Variants in OR5K1 observed in about 807,000 individuals in gnomAD.
OR5K1 encodes the protein olfactory receptor 5K1.
Under a neutral mutation model 10.4 loss-of-function variants are expected in OR5K1, and 7 were observed. The ratio of observed to expected loss-of-function variants is 0.67; its 90% CI spans 0.38 to 1.26. OR5K1 has a LOEUF of 1.26. Among genes scored for constraint, OR5K1 ranks in the 50% most tolerant of loss-of-function variants. The pLI is 0.02. For missense variants in OR5K1, 435 were observed against 366.2 expected, an observed-to-expected ratio of 1.19 and a Z score of -1.53; for synonymous variants, 135 against 128.5, an observed-to-expected ratio of 1.05 and a Z score of -0.34.
Position 98,470,716 on chromosome 3 carries a change from G to T in OR5K1, c.*213G>T, listed in dbSNP as rs1705437589. Reference sequence around the variant, plus strand: ...AATCTTAATTCAAAATAACAAAAATGAAATTCTAATTTTGAACTCATTCAA... The same window carrying T: ...AATCTTAATTCAAAATAACAAAAATTAAATTCTAATTTTGAACTCATTCAA... On this transcript the variant is annotated 3_prime_UTR_variant, in exon 2 of 2. Coordinates refer to ENST00000642057, the MANE Select transcript of OR5K1 (RefSeq NM_001004736.4). 1 of 328,850 alleles carries T rather than the reference G, an allele frequency of 3.0e-6. No homozygotes were observed. Among genetic ancestry groups the T allele is most frequent in the African/African-American group, 2.2e-5 (1 of 46,150 alleles). 20.4% of individuals were successfully genotyped at this position (328,850 alleles called of 1,614,324 possible).
At chr3:98,463,513 G>T (rs1705336272) in intron 1 of OR5K1, among the ~76,000 whole-genome samples, 1 of 152,060 alleles carries the variant, frequency 6.6e-6, no homozygotes, top group Non-Finnish European at 1.5e-5. Context: ...TTCAACAGAA[G>T]TCTAAATTTA....
In OR5K1 at chr3:98,470,384, A is replaced by G. The variant is rs1180000183; in HGVS notation, c.808A>G (p.Lys270Glu). ...VRPNLLEEGD[K>E]DIPAAILFTI... is the part of the protein sequence containing the mutation. ...ACCAAATTTGCTTGAAGAAGGGGAT[A>G]AAGATATACCAGCTGCAATTTTATT... Residue 270 changes from lysine to glutamate, a missense_variant, in exon 2 of 2, where the codon AAA becomes GAA. Coordinates refer to ENST00000642057, the MANE Select transcript of OR5K1 (RefSeq NM_001004736.4). 6 of 1,611,926 alleles carry G rather than the reference A, an allele frequency of 3.7e-6. 1 individual carries two copies. Among genetic ancestry groups the G allele is most frequent in the African/African-American group, 2.7e-5 (2 of 74,946 alleles).
chr3:98,464,150 G>A (rs1705342177), intron 1 of OR5K1, among the ~76,000 whole-genome samples: 2 of 152,070 alleles, frequency 1.3e-5, no homozygotes, highest in Non-Finnish European at 2.9e-5. Flanking sequence ...TTCATACTTG[G>A]TAGGCAGAGG....
At chr3:98,464,202 G>A (rs920855560) in intron 1 of OR5K1, among the ~76,000 whole-genome samples, 1 of 152,172 alleles carries the variant, frequency 6.6e-6, no homozygotes, top group African/African-American at 2.4e-5. Flanking sequence ...GTTGCAGTGA[G>A]CCAAGACTGT....
intron 1 of OR5K1, among the ~76,000 whole-genome samples, chr3:98,465,430 C>T (rs1705360248): frequency 6.6e-6 from 1 of 152,080 alleles, no homozygotes; most frequent in Admixed American, 6.6e-5. Flanking sequence ...AATGAAATTA[C>T]AATGGACATC....
Position 98,469,724 on chromosome 3 carries a change from T to C in OR5K1, c.148T>C (p.Phe50Leu). The C allele has an allele frequency of 1.2e-6, 2 of 1,613,854 alleles. No homozygotes were observed. Among genetic ancestry groups the C allele is most frequent in the African/African-American group, 2.7e-5 (2 of 75,018 alleles). ...VGNISLVALIFTHRRLHTPMY... is the reference protein window; with the variant it reads ...VGNISLVALILTHRRLHTPMY... ...GAATATTAGTTTGGTGGCACTGATA[T>C]TTACACACCGTCGGCTTCACACACC... The change falls in exon 2 of 2, where the codon TTT (phenylalanine) becomes CTT (leucine). Residue 50 changes from phenylalanine to leucine, a missense_variant. Transcript: ENST00000642057.
chr3:98,466,487 ATGGT>A (rs1305537103), intron 1 of OR5K1, among the ~76,000 whole-genome samples: 3 of 28,476 alleles, frequency 1.1e-4, no homozygotes, highest in African/African-American at 8.7e-4. Context: ...GACTTCCACA[ATGGT>A]TGAACTAGTT....
At position 98,471,423 on chromosome 3, in the gene OR5K1, A is replaced by G. The variant is rs1352470080; in HGVS notation, c.*920A>G. 1 of 151,918 alleles carries G rather than the reference A, an allele frequency of 6.6e-6. No homozygotes were observed. The highest frequency in any genetic ancestry group is 1.5e-5 in the Non-Finnish European group (1 of 67,928). The allele number at this position is 151,918 out of a possible 1,614,324, so 9.4% of individuals were successfully genotyped here. On this transcript the variant is annotated 3_prime_UTR_variant, in exon 2 of 2. Coordinates refer to ENST00000642057, the MANE Select transcript of OR5K1 (RefSeq NM_001004736.4). ...TATCTAATTTTTTTTTCTTTTCACT[A>G]TTGCAAAACCTGAAGTTGGTATTGT... is the stretch of plus-strand genomic sequence containing the variant.
At chr3:98,467,924 C>G (rs962643058) in intron 1 of OR5K1, among the ~76,000 whole-genome samples, 1 of 151,154 alleles carries the variant, frequency 6.6e-6, no homozygotes, top group Non-Finnish European at 1.5e-5. Flanking sequence ...CTGGCCAGAA[C>G]TTCCAACACT....
rs1705433930 is a variant in OR5K1 at position 98,470,424 on chromosome 3, C to T, written c.848C>T (p.Pro283Leu). ...PAAILFTIVV[P>L]LLNPFIYSLR... Reference sequence around the variant, plus strand: ...GCAATTTTATTTACAATAGTAGTTCCCTTACTAAATCCTTTCATTTATAGC... The same window carrying T: ...GCAATTTTATTTACAATAGTAGTTCTCTTACTAAATCCTTTCATTTATAGC... Residue 283 changes from proline (P) to leucine (L), a missense_variant, in exon 2 of 2, where the codon CCC becomes CTC. By Grantham distance (98) the Pro-to-Leu change is moderately conservative. Transcript: ENST00000642057. 1.9e-6 allele frequency: 3 copies of T among 1,605,232 alleles called. No homozygotes were observed. The highest frequency in any genetic ancestry group is 1.7e-5 in the Admixed American group (1 of 59,732).
rs1359749219 is a variant in OR5K1, at chr3:98,470,091, A to G, written c.515A>G (p.Asn172Ser). 1.2e-6 allele frequency: 2 copies of G among 1,613,654 alleles called. No homozygotes were observed. The highest frequency in any genetic ancestry group is 2.2e-5 in the East Asian group (1 of 44,870). ...TTTAGGTTAGTTTTCTGTGGATCGAATCACATCAACCACTTTTACTGTGAT... is the reference window on the plus strand; with the variant it reads ...TTTAGGTTAGTTTTCTGTGGATCGAGTCACATCAACCACTTTTACTGTGAT... ...LVFRLVFCGS[N>S]HINHFYCDIL... The change falls in exon 2 of 2, where the codon AAT becomes AGT. Residue 172 changes from asparagine to serine, a missense_variant. By Grantham distance (46) the Asn-to-Ser change is conservative (BLOSUM62 1). Coordinates refer to ENST00000642057, the MANE Select transcript of OR5K1 (RefSeq NM_001004736.4).
At chr3:98,463,788 C>T (rs922025995) in intron 1 of OR5K1, among the ~76,000 whole-genome samples, 5 of 151,944 alleles carry the variant, frequency 3.3e-5, no homozygotes, top group African/African-American at 1.2e-4. Flanking sequence ...CTTTTTTATT[C>T]TTAGAGAAAT....
In OR5K1 at chr3:98,470,378, G is replaced by C. The variant is rs1359069604; in HGVS notation, c.802G>C (p.Gly268Arg). The change falls in exon 2 of 2, where the codon GGG becomes CGG. Residue 268 changes from glycine to arginine, a missense_variant. By Grantham distance (125) the Gly-to-Arg change is moderately radical. Transcript: ENST00000642057. ...CGTTAGACCAAATTTGCTTGAAGAA[G>C]GGGATAAAGATATACCAGCTGCAAT... Reference protein sequence around the residue: ...MYVRPNLLEEGDKDIPAAILF... With the variant: ...MYVRPNLLEERDKDIPAAILF... 1.9e-6 allele frequency: 3 copies of C among 1,612,602 alleles called. No individual in the cohort carries two copies. The highest frequency in any genetic ancestry group is 2.7e-5 in the African/African-American group (2 of 74,918).
intron 1 of OR5K1, among the ~76,000 whole-genome samples, chr3:98,468,904 T>C (rs952465826): frequency 6.6e-6 from 1 of 152,172 alleles, no homozygotes; most frequent in African/African-American, 2.4e-5. Context: ...TTAACCCATA[T>C]AGAGAAGTGT....
rs769885484 is a variant in OR5K1 at position 98,469,994 on chromosome 3, C to A, written c.418C>A (p.Leu140Ile). 6.2e-7 allele frequency: 1 copy of A among 1,613,696 alleles called. No homozygotes were observed. Among genetic ancestry groups the A allele is most frequent in the Admixed American group, 1.7e-5 (1 of 59,874 alleles). Residue 140 changes from leucine (L) to isoleucine (I), a missense_variant, in exon 2 of 2, where the codon CTC becomes ATC. Coordinates refer to ENST00000642057, the MANE Select transcript of OR5K1 (RefSeq NM_001004736.4). ...LQYHIMMSKK[L>I]CIQMTTGAFI... Reference sequence around the variant, plus strand: ...GTACCACATCATGATGTCCAAGAAACTCTGCATTCAGATGACCACAGGGGC... The same window carrying A: ...GTACCACATCATGATGTCCAAGAAAATCTGCATTCAGATGACCACAGGGGC...
At chr3:98,464,121 G>T (rs559448823) in intron 1 of OR5K1, among the ~76,000 whole-genome samples, 1 of 151,926 alleles carries the variant, frequency 6.6e-6, no homozygotes, top group Non-Finnish European at 1.5e-5. Flanking sequence ...TAGCCAAGCA[G>T]GTGGCGCATG....
chr3:98,466,710 T>A (rs1231044324), intron 1 of OR5K1, among the ~76,000 whole-genome samples: 1 of 128,146 alleles, frequency 7.8e-6, no homozygotes, highest in East Asian at 2.4e-4. Context: ...TTGAGAAGTG[T>A]CTGTTCATGT....
At chr3:98,464,498 G>T (rs1244786701) in intron 1 of OR5K1, among the ~76,000 whole-genome samples, 1 of 151,994 alleles carries the variant, frequency 6.6e-6, no homozygotes, top group African/African-American at 2.4e-5. Flanking sequence ...GCATAAAGCA[G>T]GCATCCAATG....
intron 1 of OR5K1, among the ~76,000 whole-genome samples, chr3:98,468,398 A>G (rs1293239341): frequency 1.3e-5 from 2 of 152,126 alleles, no homozygotes; most frequent in Admixed American, 6.6e-5. Context: ...TACATTTGCA[A>G]TGTTGTATTA....
Sources: gnomAD v4.1 joint callset for allele counts (sites outside exome capture counted in the v4.1 genomes callset) on GRCh38, gnomAD v4.1.1 for gene constraint, MANE v1.5 for transcripts, NCBI Gene and HGNC (gene_info 2026-07-23, HGNC 2026-07-21) for gene names.